The following TAFA1 variants were observed in gnomAD, a reference collection of about 807,000 sequenced individuals.
TAFA1 encodes TAFA chemokine like family member 1, also known as chemokine-like protein TAFA-1.
In TAFA1, 4 loss-of-function variants were observed where a neutral mutation model predicts 18.5. That is an observed-to-expected ratio of 0.22 (90% CI 0.11 to 0.49). The LOEUF is 0.49. Ranked by LOEUF, TAFA1 falls within the 20% of genes least tolerant of loss-of-function variation. The probability of loss-of-function intolerance (pLI) is 0.98; values close to 1 mark genes in which losing one functional copy is unlikely to be tolerated. For synonymous variants in TAFA1, 56 were observed against 55.2 expected, an observed-to-expected ratio of 1.01 and a Z score of -0.06; for missense variants, 147 against 169.0, an observed-to-expected ratio of 0.87 and a Z score of 0.72.
At chr3:68,016,262 A>G (rs773155028) in intron 2 of TAFA1, among the ~76,000 whole-genome samples, 72 of 152,350 alleles carry the variant, frequency 4.7e-4, no homozygotes, top group Non-Finnish European at 8.4e-4. Context: ...TAAAACATGT[A>G]TAGTCATGTG....
At chr3:68,009,400 A>C (rs1704427178) in intron 2 of TAFA1, among the ~76,000 whole-genome samples, 1 of 152,204 alleles carries the variant, frequency 6.6e-6, no homozygotes, top group Non-Finnish European at 1.5e-5. Flanking sequence ...GGCTGAAATT[A>C]AACTCAATAT....
chr3:68,153,740 C>T (rs943939709), intron 2 of TAFA1, among the ~76,000 whole-genome samples: 3 of 152,150 alleles, frequency 2.0e-5, no homozygotes, highest in Non-Finnish European at 2.9e-5. Flanking sequence ...TTTCCTTGAG[C>T]GAGAGAACCC....
chr3:68,227,931 T>C (rs2066823758), intron 2 of TAFA1, among the ~76,000 whole-genome samples: 1 of 152,186 alleles, frequency 6.6e-6, no homozygotes, highest in South Asian at 2.1e-4. Flanking sequence ...TGGCCGTAAC[T>C]TGGAGTGGAG....
At chr3:68,144,133 G>A (rs1180637456) in intron 2 of TAFA1, among the ~76,000 whole-genome samples, 1 of 152,212 alleles carries the variant, frequency 6.6e-6, no homozygotes, top group African/African-American at 2.4e-5. Context: ...TACCAGGACC[G>A]ACCATTTGTT....
chr3:68,467,113 G>A (rs1461125479), intron 3 of TAFA1, among the ~76,000 whole-genome samples: 1 of 152,154 alleles, frequency 6.6e-6, no homozygotes, highest in Non-Finnish European at 1.5e-5. Flanking sequence ...CAGGCAGCTA[G>A]ACTTTTAAGG....
At position 68,030,460 on chromosome 3, in the gene TAFA1, C is replaced by G. The variant is rs138812163; in HGVS notation, c.118+23716C>G. On this transcript the variant is annotated intron_variant, in intron 2 of 4. Coordinates refer to ENST00000478136, the MANE Select transcript of TAFA1 (RefSeq NM_213609.4). ...CCCCAGTGTGTGATGTTCCCCTCCT[C>G]GTGTCCATGTATTCTCATTGTTCAA... Among the ~76,000 whole-genome samples, 147 of 152,156 alleles carry G rather than the reference C, an allele frequency of 9.7e-4. 3 individuals are homozygous for G. Among genetic ancestry groups the G allele is most frequent in the African/African-American group, 3.2e-3 (132 of 41,540 alleles).
chr3:68,341,547 A>C (rs1431107286), intron 2 of TAFA1, among the ~76,000 whole-genome samples: 1 of 152,226 alleles, frequency 6.6e-6, no homozygotes, highest in African/African-American at 2.4e-5. Context: ...TGTTAGTCGT[A>C]CAAAGGCAGA....
chr3:68,215,257 T>C lies in TAFA1; in HGVS notation c.119-202023T>C, dbSNP rs141762183. On this transcript the variant is annotated intron_variant, in intron 2 of 4. Transcript: ENST00000478136. ...TTAATCTTCACACTAAGCAGTGTGGTGCTTAAGAAGCATAAAAATGTGGTG... is the reference window on the plus strand; with the variant it reads ...TTAATCTTCACACTAAGCAGTGTGGCGCTTAAGAAGCATAAAAATGTGGTG... 7.9e-5 allele frequency among the ~76,000 whole-genome samples: 12 copies of C among 152,196 alleles called. 2 individuals carry two copies. The highest frequency in any genetic ancestry group is 2.9e-4 in the African/African-American group (12 of 41,566).
intron 2 of TAFA1, among the ~76,000 whole-genome samples, chr3:68,416,788 C>G (rs1437323125): frequency 6.6e-6 from 1 of 152,146 alleles, no homozygotes. Flanking sequence ...GGAAATATGT[C>G]CCGAATAGAT....
chr3:68,305,376 G>T (rs1159218429), intron 2 of TAFA1, among the ~76,000 whole-genome samples: 2 of 89,964 alleles, frequency 2.2e-5, no homozygotes, highest in African/African-American at 4.3e-5. Context: ...TATATAAATG[G>T]CTATATATAT....
chr3:68,274,436 G>A (rs903887965), intron 2 of TAFA1, among the ~76,000 whole-genome samples: 1 of 152,142 alleles, frequency 6.6e-6, no homozygotes, highest in Non-Finnish European at 1.5e-5. Context: ...TTCAAGAAAA[G>A]CCAAAGTTCA....
At chr3:68,163,061 T>C (rs6792628) in intron 2 of TAFA1, among the ~76,000 whole-genome samples, 135,288 of 152,246 alleles carry the variant, frequency 0.89, 60,894 homozygotes, top group South Asian at 0.96. Context: ...ATAAACTTAA[T>C]GACTAGAGAA....
At chr3:68,098,887 A>C (rs1381756497) in intron 2 of TAFA1, among the ~76,000 whole-genome samples, 1 of 152,128 alleles carries the variant, frequency 6.6e-6, no homozygotes, top group African/African-American at 2.4e-5. Flanking sequence ...CAAAGCAGAC[A>C]AAAATAAGCC....
intron 2 of TAFA1, among the ~76,000 whole-genome samples, chr3:68,206,661 G>T (rs1332330015): frequency 1.3e-5 from 2 of 151,912 alleles, no homozygotes; most frequent in Non-Finnish European, 2.9e-5. Flanking sequence ...CTCTCATTTG[G>T]ATTGGTCATA....
chr3:68,259,383 T>C (rs921146311), intron 2 of TAFA1, among the ~76,000 whole-genome samples: 2 of 152,210 alleles, frequency 1.3e-5, no homozygotes, highest in Admixed American at 1.3e-4. Flanking sequence ...AAAAAGTGAA[T>C]TTATTCTTTT....
intron 2 of TAFA1, among the ~76,000 whole-genome samples, chr3:68,051,791 G>A (rs1302961627): frequency 6.6e-6 from 1 of 152,026 alleles, no homozygotes; most frequent in Non-Finnish European, 1.5e-5. Flanking sequence ...TAGGTGAGAA[G>A]TGTTTTTTTT....
chr3:68,172,172 T>C (rs1341965847), intron 2 of TAFA1, among the ~76,000 whole-genome samples: 1 of 152,136 alleles, frequency 6.6e-6, no homozygotes, highest in African/African-American at 2.4e-5. Flanking sequence ...CGCCAAACTG[T>C]TGAAGAACAA....
intron 3 of TAFA1, among the ~76,000 whole-genome samples, chr3:68,483,353 T>C (rs1036973769): frequency 5.3e-5 from 8 of 152,196 alleles, no homozygotes; most frequent in African/African-American, 1.2e-4. Flanking sequence ...GAATTAATCA[T>C]AGACAATATG....
intron 2 of TAFA1, among the ~76,000 whole-genome samples, chr3:68,019,342 C>T (rs184296093): frequency 6.6e-6 from 1 of 152,232 alleles, no homozygotes; most frequent in East Asian, 1.9e-4. Context: ...GTTATTGTTT[C>T]CCAATAAATT....
Sources: allele counts gnomAD v4.1 joint callset (sites outside exome capture counted in the v4.1 genomes callset), GRCh38; gene constraint gnomAD v4.1.1; transcripts MANE v1.5; gene names NCBI Gene and HGNC (gene_info 2026-07-23, HGNC 2026-07-21).